Variants in PTP4A2 observed in about 807,000 individuals in gnomAD.
PTP4A2 encodes the protein protein tyrosine phosphatase 4A2.
Under a neutral mutation model 22.9 loss-of-function variants are expected in PTP4A2, and 2 were observed. That is an observed-to-expected ratio of 0.09 (90% CI 0.04 to 0.27). PTP4A2 has a LOEUF of 0.27. PTP4A2 is among the 10% of genes least tolerant of loss of function. PTP4A2 has a pLI of 1.00. For synonymous variants in PTP4A2, 68 were observed against 69.1 expected (o/e 0.98, Z 0.08); for missense variants, 103 against 205.1 (o/e 0.50, Z 3.04).
chr1:31,933,917 T>C (rs1210961417), intron 1 of PTP4A2: 1 of 152,196 alleles, frequency 6.6e-6, no homozygotes, highest in Non-Finnish European at 1.5e-5. Context: ...CCCCAAGATC[T>C]CTACCATCAC....
intron 1 of PTP4A2, among the ~76,000 whole-genome samples, chr1:31,931,596 A>C (rs149625206): frequency 7.6e-4 from 116 of 152,322 alleles, no homozygotes; most frequent in Non-Finnish European, 1.4e-3. Flanking sequence ...ACAGATAACG[A>C]GTTTAACTAA....
chr1:31,929,033 G>A (rs777524454), intron 1 of PTP4A2, among the ~76,000 whole-genome samples: 53 of 152,058 alleles, frequency 3.5e-4, no homozygotes, highest in Non-Finnish European at 5.3e-4. Context: ...CATGTACCCC[G>A]GTGATTAACG....
chr1:31,934,175 T>A (rs1243500217), intron 1 of PTP4A2, among the ~76,000 whole-genome samples: 5 of 151,988 alleles, frequency 3.3e-5, no homozygotes. Context: ...GGAGAATCGC[T>A]TGAACCCAGG....
intron 2 of PTP4A2, 148 bp from the exon 3 acceptor site, chr1:31,916,135 A>C: frequency 1.9e-6 from 1 of 540,032 alleles, no homozygotes; most frequent in Non-Finnish European, 3.3e-6. Flanking sequence ...TCACAAGGTA[A>C]GGAGTTCGAG....
In PTP4A2 at chr1:31,908,152, A is replaced by AC. The variant is rs1651309336; in HGVS notation, c.*699_*700insG. 5.4e-4 allele frequency: 1 copy of AC among 1,842 alleles called. No individual in the cohort carries two copies. The highest frequency in any genetic ancestry group is 1.1e-3 in the Non-Finnish European group (1 of 918). The allele number at this position is 1,842 out of a possible 1,614,324, so 0.1% of individuals were successfully genotyped here. A position where few individuals can be genotyped will look rare whatever the true frequency, so the allele number is the denominator to read the frequency against. On this transcript the variant is annotated 3_prime_UTR_variant, in exon 6 of 6. Transcript: ENST00000647444. The stretch of plus-strand genomic sequence containing the variant: ...TATATATATTATATTATATATATAT[A>AC]TATATATATATATATATATATATAT...
chr1:31,910,828 G>A (rs1651495682), intron 4 of PTP4A2: 1 of 152,072 alleles, frequency 6.6e-6, no homozygotes, highest in South Asian at 2.1e-4. Flanking sequence ...TGCTAAAAAG[G>A]TGCTAGACGT....
intron 3 of PTP4A2, chr1:31,913,095 A>T (rs1274782843): frequency 2.3e-6 from 1 of 426,524 alleles, no homozygotes; most frequent in African/African-American, 2.1e-5. Context: ...AAAAATCATT[A>T]ATCATTTAGA....
At chr1:31,924,138 A>C (rs1017266366) in intron 1 of PTP4A2, 3 of 152,186 alleles carry the variant, frequency 2.0e-5, no homozygotes, top group Non-Finnish European at 2.9e-5. Context: ...TCCAGCATTA[A>C]GTTTTCTACC....
chr1:31,931,165 A>ATTT (rs1652709904), intron 1 of PTP4A2: 2 of 152,268 alleles, frequency 1.3e-5, no homozygotes, highest in Non-Finnish European at 2.9e-5. Flanking sequence ...ACGTGGGTGA[A>ATTT]AAATGCTTGA....
At chr1:31,920,126 C>CAAAA (rs772173962) in intron 1 of PTP4A2, among the ~76,000 whole-genome samples, 32 of 43,162 alleles carry the variant, frequency 7.4e-4, no homozygotes, top group South Asian at 9.6e-4. Context: ...AACTCTGCCT[C>CAAAA]AAAAAAAAAA....
At chr1:31,927,006 A>C (rs1156589344) in intron 1 of PTP4A2, among the ~76,000 whole-genome samples, 2 of 152,208 alleles carry the variant, frequency 1.3e-5, no homozygotes, top group Non-Finnish European at 2.9e-5. Context: ...GCTAGGAACA[A>C]GGGAACCAAT....
At chr1:31,914,197 G>T in intron 3 of PTP4A2, 2 of 445,432 alleles carry the variant, frequency 4.5e-6, no homozygotes, top group South Asian at 3.2e-5. Flanking sequence ...CTCCCAAGTA[G>T]CTAGGACTAT....
At chr1:31,927,455 G>A (rs574820981) in intron 1 of PTP4A2, among the ~76,000 whole-genome samples, 7 of 152,130 alleles carry the variant, frequency 4.6e-5, no homozygotes, top group East Asian at 1.9e-4. Context: ...CGCCAAACCC[G>A]AGCGACATTC....
chr1:31,934,375 C>T (rs1368063122), intron 1 of PTP4A2, among the ~76,000 whole-genome samples: 2 of 152,214 alleles, frequency 1.3e-5, no homozygotes. Flanking sequence ...AATAAATCAA[C>T]CAAACTTAGT....
At chr1:31,914,427 T>C (rs1220370995) in intron 3 of PTP4A2, 1 of 369,814 alleles carries the variant, frequency 2.7e-6, no homozygotes, top group Admixed American at 3.3e-5. Context: ...AAAATGGACA[T>C]GAGGAAACTA....
chr1:31,915,825 C>T, intron 3 of PTP4A2, 70 bp downstream of exon 3: 1 of 1,054,356 alleles, frequency 9.5e-7, no homozygotes, highest in Non-Finnish European at 1.4e-6. Flanking sequence ...GTGCACCTGG[C>T]CTAGTTTTAT....
At chr1:31,934,192 A>G (rs1345496457) in intron 1 of PTP4A2, among the ~76,000 whole-genome samples, 1 of 152,176 alleles carries the variant, frequency 6.6e-6, no homozygotes, top group Non-Finnish European at 1.5e-5. Context: ...CAGGAGGCGC[A>G]GGCTGCAGTG....
chr1:31,926,679 T>TG (rs2124238571), intron 1 of PTP4A2, among the ~76,000 whole-genome samples: 1 of 152,322 alleles, frequency 6.6e-6, no homozygotes, highest in South Asian at 2.1e-4. Context: ...ACATGTACTA[T>TG]GGGTCACATA....
intron 1 of PTP4A2, chr1:31,921,941 A>G (rs1264151333): frequency 6.6e-6 from 1 of 152,186 alleles, no homozygotes; most frequent in African/African-American, 2.4e-5. Flanking sequence ...TGAAATTCAA[A>G]ATGGCATTCT....
Sources: gnomAD v4.1 joint callset for allele counts (sites outside exome capture counted in the v4.1 genomes callset) on GRCh38, gnomAD v4.1.1 for gene constraint, MANE v1.5 for transcripts, NCBI Gene and HGNC (gene_info 2026-07-23, HGNC 2026-07-21) for gene names.